The following TET1 variants were observed in gnomAD, a reference collection of about 807,000 sequenced individuals.
TET1 encodes tet methylcytosine dioxygenase 1, also known as methylcytosine dioxygenase TET1.
In TET1, 13 loss-of-function variants were observed where a neutral mutation model predicts 148.7. The observed-to-expected ratio is 0.09, with a 90% confidence interval of 0.06 to 0.14. The LOEUF (loss-of-function observed/expected upper bound fraction) is 0.14. TET1 is among the 10% of genes least tolerant of loss of function. The pLI is 1.00. For missense variants in TET1, 2,182 were observed against 2,553.8 expected, an observed-to-expected ratio of 0.85 and a Z score of 3.14; for synonymous variants, 907 against 937.2, an observed-to-expected ratio of 0.97 and a Z score of 0.59.
intron 6 of TET1, among the ~76,000 whole-genome samples, chr10:68,655,092 A>G (rs2055002633): frequency 6.6e-6 from 1 of 152,070 alleles, no homozygotes. Flanking sequence ...GTCACAGTGT[A>G]CTATGGTGGC....
At chr10:68,590,977 T>G (rs1358597697) in intron 2 of TET1, among the ~76,000 whole-genome samples, 1 of 152,156 alleles carries the variant, frequency 6.6e-6, no homozygotes, top group Non-Finnish European at 1.5e-5. Context: ...TGCCTCAGCC[T>G]CCCAAGTAGC....
intron 2 of TET1, among the ~76,000 whole-genome samples, chr10:68,596,021 C>CATATATATATATAT (rs1271069239): frequency 9.7e-6 from 1 of 102,708 alleles, no homozygotes; most frequent in African/African-American, 4.8e-5. Flanking sequence ...CACACACACA[C>CATATATATATATAT]ACACACATAT....
rs544865051 is a variant in TET1, at chr10:68,645,241, T to C, written c.2512T>C (p.Ser838Pro). The C allele has an allele frequency of 6.2e-7, 1 of 1,614,026 alleles. No homozygotes were observed. The highest frequency in any genetic ancestry group is 2.2e-5 in the East Asian group (1 of 44,880). Residue 838 changes from serine (S) to proline (P), a missense_variant, in exon 4 of 12, where the codon TCT (serine) becomes CCT (proline). By Grantham distance (74) the Ser-to-Pro change is moderately conservative (BLOSUM62 -1). This residue lies in a region of TET1 where 582 missense variants were observed against 599.5 expected (regional missense o/e 0.97). Coordinates refer to ENST00000373644, the MANE Select transcript of TET1 (RefSeq NM_030625.3). Reference sequence around the variant, plus strand: ...CTTTAACTGCAGTTCCATTCCACATTCTTCACACTCCATCATAAATCATCA... The same window carrying C: ...CTTTAACTGCAGTTCCATTCCACATCCTTCACACTCCATCATAAATCATCA... ...PGFNCSSIPH[S>P]SHSIINHHAS... is the part of the protein sequence containing the mutation.
chr10:68,609,998 A>T (rs1208816266), intron 3 of TET1, among the ~76,000 whole-genome samples: 1 of 151,648 alleles, frequency 6.6e-6, no homozygotes, highest in Non-Finnish European at 1.5e-5. Context: ...TTTATAAAAA[A>T]TAAGGCAGGG....
At chr10:68,585,630 C>T (rs978701223) in intron 2 of TET1, among the ~76,000 whole-genome samples, 16 of 152,080 alleles carry the variant, frequency 1.1e-4, no homozygotes, top group Non-Finnish European at 1.8e-4. Context: ...GTGAGCTTAC[C>T]CATAGCTTGT....
intron 3 of TET1, among the ~76,000 whole-genome samples, chr10:68,602,862 T>G (rs1179618430): frequency 6.6e-6 from 1 of 152,242 alleles, no homozygotes; most frequent in Non-Finnish European, 1.5e-5. Flanking sequence ...CCACATTTTC[T>G]GTTAGACATA....
intron 2 of TET1, among the ~76,000 whole-genome samples, chr10:68,597,929 AAGT>A (rs2054006719): frequency 6.6e-6 from 1 of 152,192 alleles, no homozygotes; most frequent in Admixed American, 6.5e-5. Flanking sequence ...CATAGACAGA[AAGT>A]AGAATGGAAG....
chr10:68,590,546 C>T (rs1206054232), intron 2 of TET1, among the ~76,000 whole-genome samples: 1 of 152,086 alleles, frequency 6.6e-6, no homozygotes, highest in African/African-American at 2.4e-5. Context: ...TTGGATCTCC[C>T]CAAGGATATC....
At chr10:68,684,311 CA>C (rs2055479754) in intron 10 of TET1, among the ~76,000 whole-genome samples, 1 of 151,278 alleles carries the variant, frequency 6.6e-6, no homozygotes, top group Non-Finnish European at 1.5e-5. Context: ...GATCTATCAA[CA>C]GGCAGTCTTT....
At chr10:68,669,518 G>GT (rs1057401253) in intron 7 of TET1, among the ~76,000 whole-genome samples, 2,227 of 135,190 alleles carry the variant, frequency 0.016, 45 homozygotes, top group African/African-American at 0.044. Context: ...TTTTGGGGGG[G>GT]TTTTTTTTTG....
chr10:68,612,667 G>A (rs965723889), intron 3 of TET1, among the ~76,000 whole-genome samples: 5 of 152,120 alleles, frequency 3.3e-5, no homozygotes, highest in Non-Finnish European at 5.9e-5. Flanking sequence ...CACCCAGGCC[G>A]TAGTGCAGTG....
chr10:68,627,520 C>T (rs567464002), intron 3 of TET1, among the ~76,000 whole-genome samples: 13 of 152,056 alleles, frequency 8.5e-5, no homozygotes, highest in African/African-American at 2.4e-4. Flanking sequence ...CGCTTGAACC[C>T]GTGAGGCAGA....
At chr10:68,568,887 G>A (rs2053635917) in intron 1 of TET1, among the ~76,000 whole-genome samples, 1 of 152,114 alleles carries the variant, frequency 6.6e-6, no homozygotes, top group South Asian at 2.1e-4. Flanking sequence ...GTGGGATCTT[G>A]TAGAAGGGAT....
chr10:68,667,872 G>A (rs2055215956), intron 7 of TET1, among the ~76,000 whole-genome samples: 2 of 152,108 alleles, frequency 1.3e-5, no homozygotes. Flanking sequence ...TAAAAGAATG[G>A]TCTTCCACAG....
At chr10:68,602,261 A>G (rs2054065912) in intron 3 of TET1, among the ~76,000 whole-genome samples, 1 of 152,088 alleles carries the variant, frequency 6.6e-6, no homozygotes. Flanking sequence ...GGTAAATTAA[A>G]CCCTTTTCTG....
intron 8 of TET1, among the ~76,000 whole-genome samples, chr10:68,679,989 T>C (rs1461330393): frequency 6.6e-6 from 1 of 152,180 alleles, no homozygotes; most frequent in Non-Finnish European, 1.5e-5. Context: ...TCCTGTTTTT[T>C]AAACTACAAC....
At chr10:68,666,443 G>A (rs536365339) in intron 6 of TET1, among the ~76,000 whole-genome samples, 36 of 152,250 alleles carry the variant, frequency 2.4e-4, no homozygotes, top group Non-Finnish European at 4.6e-4. Context: ...TCGTTGTCAA[G>A]TTTATTTTTA....
chr10:68,645,050 T>A lies in TET1; in HGVS notation c.2321T>A (p.Phe774Tyr). Residue 774 changes from phenylalanine to tyrosine, a missense_variant, in exon 4 of 12, where the codon TTT becomes TAT. Physicochemically the swap from Phe to Tyr is conservative, Grantham distance 22. Coordinates refer to ENST00000373644, the MANE Select transcript of TET1 (RefSeq NM_030625.3). ...TTACCAGCTGAAACAAATGTTTCAT[T>A]TAAAAAATTCAATATTGAAGAATTC... ...HCLPAETNVS[F>Y]KKFNIEEFGK... 2 of 1,613,128 alleles carry A rather than the reference T, an allele frequency of 1.2e-6. No individual in the cohort carries two copies. The highest frequency in any genetic ancestry group is 1.7e-6 in the Non-Finnish European group (2 of 1,179,764).
intron 1 of TET1, among the ~76,000 whole-genome samples, chr10:68,570,390 C>T (rs537834942): frequency 1.3e-5 from 2 of 152,170 alleles, no homozygotes; most frequent in South Asian, 2.1e-4. Context: ...CAGGCGTGAG[C>T]CACCGCGCCC....
Sources: allele counts gnomAD v4.1 joint callset (sites outside exome capture counted in the v4.1 genomes callset), GRCh38; gene constraint gnomAD v4.1.1; regional missense constraint gnomAD v4.1.1; transcripts MANE v1.5; gene names NCBI Gene and HGNC (gene_info 2026-07-23, HGNC 2026-07-21).